Variants in TTC39B observed in about 807,000 individuals in gnomAD.
TTC39B encodes the protein tetratricopeptide repeat domain 39B.
Under a neutral mutation model 96.6 loss-of-function variants are expected in TTC39B, and 92 were observed. That is an observed-to-expected ratio of 0.95 (90% CI 0.80 to 1.13). The LOEUF is 1.13. Among genes scored for constraint, TTC39B ranks in the 50% most tolerant of loss-of-function variants. TTC39B has a pLI of 0.00. For missense variants in TTC39B, 955 were observed against 809.3 expected (o/e 1.18, Z -2.18); for synonymous variants, 367 against 299.4 (o/e 1.23, Z -2.33).
At chr9:15,185,551 G>C in intron 15 of TTC39B, 145 bp from the exon 16 acceptor site, 4 of 1,315,502 alleles carry the variant, frequency 3.0e-6, no homozygotes, top group Non-Finnish European at 4.2e-6. Flanking sequence ...CCAATTTTCA[G>C]GCCCTACTCT....
chr9:15,250,093 T>C (rs895942458), intron 2 of TTC39B: 2 of 1,271,428 alleles, frequency 1.6e-6, no homozygotes, highest in African/African-American at 3.1e-5. Flanking sequence ...AGTGAGACTC[T>C]CAATTCTCAG....
intron 7 of TTC39B, among the ~76,000 whole-genome samples, chr9:15,202,747 A>C (rs1474616326): frequency 6.6e-6 from 1 of 151,310 alleles, no homozygotes; most frequent in East Asian, 1.9e-4. Flanking sequence ...AAAAAAAAAA[A>C]GATTGTGAGT....
At chr9:15,177,908 C>T in intron 17 of TTC39B, 94 bp from the exon 18 acceptor site, 2 of 767,064 alleles carry the variant, frequency 2.6e-6, no homozygotes, top group Admixed American at 3.0e-5. Flanking sequence ...CTCGCTCTCT[C>T]ACCCAGGCTG....
intron 1 of TTC39B, among the ~76,000 whole-genome samples, chr9:15,276,904 G>A (rs1186841998): frequency 2.0e-5 from 3 of 152,180 alleles, no homozygotes; most frequent in East Asian, 1.9e-4. Context: ...CTCAGATATG[G>A]GACCAACCAG....
At chr9:15,208,483 G>A (rs1373910486) in intron 6 of TTC39B, among the ~76,000 whole-genome samples, 3 of 152,134 alleles carry the variant, frequency 2.0e-5, no homozygotes, top group Non-Finnish European at 4.4e-5. Context: ...GTAACAGAAA[G>A]GAGAATACAA....
chr9:15,256,049 T>C lies in TTC39B; in HGVS notation c.275+11865A>G, dbSNP rs74661025. ...TTTGTGTCCCTCCAAAATTCATATG[T>C]TGAAACCTAACCCCCAAAGTGATGG... On this transcript the variant is annotated intron_variant, in intron 2 of 19. Coordinates refer to ENST00000512701, the Ensembl canonical transcript of TTC39B. Among the ~76,000 whole-genome samples, 515 of 152,342 alleles carry C rather than the reference T, an allele frequency of 3.4e-3. 1 individual carries two copies. Among genetic ancestry groups the C allele is most frequent in the African/African-American group, 0.012 (499 of 41,576 alleles).
chr9:15,216,952 GAGGAGA>G (rs1820553659), intron 3 of TTC39B, among the ~76,000 whole-genome samples: 1 of 152,164 alleles, frequency 6.6e-6, no homozygotes, highest in Non-Finnish European at 1.5e-5. Flanking sequence ...AGGCAGGGGT[GAGGAGA>G]AGGCCCAACA....
exon 19 of TTC39B, chr9:15,175,105 T>C (rs1226698074): frequency 6.2e-7 from 1 of 1,613,318 alleles, no homozygotes. Context: ...TGAACGGCAC[T>C]AGGTAGTGGT....
intron 1 of TTC39B, among the ~76,000 whole-genome samples, chr9:15,274,533 G>C (rs1328642866): frequency 6.6e-6 from 1 of 152,136 alleles, no homozygotes; most frequent in Non-Finnish European, 1.5e-5. Context: ...TAAAGGATTA[G>C]CATCAAAGCA....
chr9:15,174,551 G>A (rs1020188818), intron 19 of TTC39B, among the ~76,000 whole-genome samples: 1 of 152,132 alleles, frequency 6.6e-6, no homozygotes, highest in South Asian at 2.1e-4. Context: ...GGCTCTTCAA[G>A]GAAATAATAG....
At chr9:15,208,512 T>C (rs1820005907) in intron 6 of TTC39B, among the ~76,000 whole-genome samples, 1 of 152,142 alleles carries the variant, frequency 6.6e-6, no homozygotes, top group Non-Finnish European at 1.5e-5. Flanking sequence ...TTCAATTTCT[T>C]TTGGGCCTAT....
chr9:15,218,635 AAT>A (rs1554774372), intron 3 of TTC39B, among the ~76,000 whole-genome samples: 1 of 149,442 alleles, frequency 6.7e-6, no homozygotes, highest in Non-Finnish European at 1.5e-5. Context: ...GTCTATTTTA[AAT>A]ATATATATAT....
At chr9:15,289,949 G>C (rs995310303) in intron 1 of TTC39B, among the ~76,000 whole-genome samples, 1 of 152,134 alleles carries the variant, frequency 6.6e-6, no homozygotes, top group Non-Finnish European at 1.5e-5. Flanking sequence ...ATGATGTCCA[G>C]TGTGAGAGCC....
At chr9:15,192,315 G>A (rs925586647) in intron 9 of TTC39B, among the ~76,000 whole-genome samples, 1 of 152,150 alleles carries the variant, frequency 6.6e-6, no homozygotes, top group South Asian at 2.1e-4. Flanking sequence ...TGTGGAAATG[G>A]AAATGGATTC....
At chr9:15,261,062 T>C (rs1050310688) in intron 2 of TTC39B, among the ~76,000 whole-genome samples, 5 of 152,206 alleles carry the variant, frequency 3.3e-5, no homozygotes, top group Non-Finnish European at 5.9e-5. Flanking sequence ...GTTTGATCTG[T>C]CTCCCCTGAC....
chr9:15,250,886 T>C (rs1190013170), intron 2 of TTC39B, among the ~76,000 whole-genome samples: 2 of 152,218 alleles, frequency 1.3e-5, no homozygotes, highest in Admixed American at 1.3e-4. Context: ...TAGGACTCAC[T>C]AATTTTTCTA....
At chr9:15,280,591 T>C (rs1311346232) in intron 1 of TTC39B, among the ~76,000 whole-genome samples, 15 of 152,162 alleles carry the variant, frequency 9.9e-5, no homozygotes. Context: ...TTACCAACTA[T>C]GTGTGGCCCG....
chr9:15,241,712 T>C (rs1409097488), intron 2 of TTC39B, among the ~76,000 whole-genome samples: 3 of 151,636 alleles, frequency 2.0e-5, no homozygotes, highest in Non-Finnish European at 4.4e-5. Context: ...AGGAAAATAG[T>C]AATCTTTCGT....
At chr9:15,250,735 C>G (rs1301344925) in intron 2 of TTC39B, among the ~76,000 whole-genome samples, 1 of 152,184 alleles carries the variant, frequency 6.6e-6, no homozygotes, top group Admixed American at 6.5e-5. Flanking sequence ...TAAGATAGAA[C>G]ATAGTTCTAA....
Sources: gnomAD v4.1 joint callset for allele counts (sites outside exome capture counted in the v4.1 genomes callset) on GRCh38, gnomAD v4.1.1 for gene constraint, MANE v1.5 for transcripts, NCBI Gene and HGNC (gene_info 2026-07-23, HGNC 2026-07-21) for gene names.